The following DNAH5 variants were observed in gnomAD, a reference collection of about 807,000 sequenced individuals.
The protein encoded by DNAH5 is dynein axonemal heavy chain 5, also known as axonemal beta dynein heavy chain 5.
A neutral mutation model predicts 518.2 loss-of-function variants in DNAH5; 372 were observed. The observed-to-expected ratio is 0.72, with a 90% CI of 0.66 to 0.78. The LOEUF (loss-of-function observed/expected upper bound fraction) is 0.78. Ranked by LOEUF, DNAH5 falls within the 30% of genes least tolerant of loss-of-function variation. DNAH5 has a pLI of 0.00. For synonymous variants in DNAH5, 2,039 were observed against 2,025.9 expected (o/e 1.01, Z -0.17); for missense variants, 5,523 against 5,687.0 (o/e 0.97, Z 0.93).
intron 1 of DNAH5, among the ~76,000 whole-genome samples, chr5:13,941,330 C>T (rs1482112417): frequency 6.6e-6 from 1 of 152,102 alleles, no homozygotes; most frequent in African/African-American, 2.4e-5. Context: ...TGCAGTCCAG[C>T]CAGGGTAACA....
At chr5:13,919,034 G>A (rs754349623) in intron 7 of DNAH5, 142 bp downstream of exon 7, 46 of 1,031,896 alleles carry the variant, frequency 4.5e-5, no homozygotes, top group Non-Finnish European at 6.5e-5. Flanking sequence ...CCAAAGTGAT[G>A]TGAGGGAAGT....
At chr5:13,959,485 C>T (rs1368608082) in intron 1 of DNAH5, among the ~76,000 whole-genome samples, 1 of 152,344 alleles carries the variant, frequency 6.6e-6, no homozygotes, top group East Asian at 1.9e-4. Context: ...CCAGGCTTCA[C>T]ATCTTCATGC....
In DNAH5 at chr5:13,968,073, T is replaced by C. The variant is rs532905422; in HGVS notation, c.13-36829A>G. On this transcript the variant is annotated intron_variant, in intron 1 of 78. Coordinates refer to the DNAH5 transcript ENST00000681290. ...CTCCTAAGTATTTTATTTCATTTTTTGTTGTTGTTGCAGCTATTGTAAAAG... is the reference window on the plus strand; with the variant it reads ...CTCCTAAGTATTTTATTTCATTTTTCGTTGTTGTTGCAGCTATTGTAAAAG... 4.1e-3 allele frequency among the ~76,000 whole-genome samples: 624 copies of C among 152,276 alleles called. 3 individuals carry two copies. The highest frequency in any genetic ancestry group is 6.9e-3 in the Non-Finnish European group (467 of 68,002).
At chr5:13,865,234 C>G (rs1769065702) in intron 27 of DNAH5, among the ~76,000 whole-genome samples, 1 of 152,078 alleles carries the variant, frequency 6.6e-6, no homozygotes, top group Admixed American at 6.6e-5. Context: ...ACCTCGTGAT[C>G]TGCCCACCTC....
intron 32 of DNAH5, among the ~76,000 whole-genome samples, chr5:13,843,624 AAT>A (rs1765571034): frequency 6.6e-6 from 1 of 152,140 alleles, no homozygotes; most frequent in Admixed American, 6.5e-5. Context: ...CTAGGAAACT[AAT>A]ACACTCCCTC....
At position 13,830,609 on chromosome 5, in the gene DNAH5, G is replaced by T. The variant is rs143679999; in HGVS notation, c.6049C>A (p.Arg2017=). The change falls in exon 36 of 79, where the codon CGG becomes AGG. Residue 2017 remains arginine, a synonymous_variant. Transcript: ENST00000265104. The part of the protein sequence containing the change: ...SDQMDFRGLG[R]IFKGLAQSGS... The stretch of plus-strand genomic sequence containing the variant: ...ATATAACCCATACCCTTAAAAATCC[G>T]TCCAAGTCCTCGGAAATCCATCTGG... The T allele has an allele frequency of 1.2e-6, 2 of 1,613,942 alleles. No homozygotes were observed. Among genetic ancestry groups the T allele is most frequent in the Non-Finnish European group, 1.7e-6 (2 of 1,180,022 alleles).
intron 35 of DNAH5, among the ~76,000 whole-genome samples, chr5:13,834,467 G>A (rs1449685561): frequency 1.3e-5 from 2 of 152,124 alleles, no homozygotes; most frequent in Non-Finnish European, 2.9e-5. Flanking sequence ...CCATTAAGAT[G>A]CAATTTTGGA....
At position 13,871,472 on chromosome 5, in the gene DNAH5, G is replaced by C. The variant is rs71614063; in HGVS notation, c.3598+92C>G. ...TGAGGCCCATAAAGTCAATCTTTAA[G>C]ACAGGTAGAACTCTCTGGAATACAA... On this transcript the variant is annotated intron_variant, in intron 23 of 78. Coordinates refer to ENST00000265104, the MANE Select transcript of DNAH5 (RefSeq NM_001369.3). The C allele has an allele frequency of 2.7e-4, 306 of 1,150,418 alleles. 1 individual carries two copies. Among genetic ancestry groups the C allele is most frequent in the Admixed American group, 5.3e-4 (26 of 49,316 alleles). 71.3% of individuals were successfully genotyped at this position (1,150,418 alleles called of 1,614,324 possible).
Position 13,867,859 on chromosome 5 carries a change from A to T in DNAH5, c.3968T>A (p.Leu1323Gln), listed in dbSNP as rs2151913954. The T allele has an allele frequency of 6.2e-7, 1 of 1,614,158 alleles. No individual in the cohort carries two copies. The highest frequency in any genetic ancestry group is 1.1e-5 in the South Asian group (1 of 91,076). The change falls in exon 25 of 79, where the codon CTG becomes CAG. Residue 1323 changes from leucine (L) to glutamine (Q), a missense_variant. Physicochemically the swap from Leu to Gln is moderately radical, Grantham distance 113 (BLOSUM62 -2). Transcript: ENST00000265104. ...AGEVQNKLVS[L>Q]QPSFKKELIS... ...AAGCTCTTTCTTGAAACTGGGCTGC[A>T]GTGAGACTAATTTATTCTGGACTTC... is the stretch of plus-strand genomic sequence containing the variant.
intron 65 of DNAH5, among the ~76,000 whole-genome samples, chr5:13,748,341 G>A (rs1315545649): frequency 3.3e-5 from 5 of 152,184 alleles, no homozygotes; most frequent in Admixed American, 2.6e-4. Context: ...TTTTGGCTTA[G>A]GATTGTCTTG....
At chr5:13,786,490 C>T (rs919372701) in intron 51 of DNAH5, 139 bp from the exon 52 acceptor site, 1 of 882,594 alleles carries the variant, frequency 1.1e-6, no homozygotes, top group Non-Finnish European at 1.8e-6. Flanking sequence ...GTGTATTTTG[C>T]AAAAACAGAA....
Position 13,901,466 on chromosome 5 carries a change from T to G in DNAH5, c.1838A>C (p.Asp613Ala). Residue 613 changes from aspartate to alanine, a missense_variant, in exon 14 of 79, where the codon GAT (aspartate) becomes GCT (alanine). By Grantham distance (126) the Asp-to-Ala change is moderately radical (BLOSUM62 -2). Transcript: ENST00000265104. The stretch of plus-strand genomic sequence containing the variant: ...AGGCTGGTTTCGAGCCAGAGGAGGA[T>G]CGTATTTCTGCTTTGTATACAGCTT... ...ISKLYTKQKY[D>A]PPLARNQPPI... 2 of 1,613,984 alleles carry G rather than the reference T, an allele frequency of 1.2e-6. No homozygotes were observed. The highest frequency in any genetic ancestry group is 1.7e-6 in the Non-Finnish European group (2 of 1,180,002).
Position 13,788,738 on chromosome 5 carries a change from C to A in DNAH5, c.8625G>T (p.Leu2875Phe). The A allele has an allele frequency of 6.2e-7, 1 of 1,614,074 alleles. No homozygotes were observed. The highest frequency in any genetic ancestry group is 8.5e-7 in the Non-Finnish European group (1 of 1,179,970). Residue 2875 changes from leucine (L) to phenylalanine (F), a missense_variant, in exon 51 of 79, where the codon TTG becomes TTT. Transcript: ENST00000265104. ...CGIDTYFVDF[L>F]RDAPEAAGET... ...TACCTGCAGCTTCAGGTGCATCTCT[C>A]AAGAAATCCACAAAATATGTGTCAA...
At chr5:13,693,323 T>G (rs993167551) in intron 78 of DNAH5, among the ~76,000 whole-genome samples, 1 of 152,244 alleles carries the variant, frequency 6.6e-6, no homozygotes, top group Non-Finnish European at 1.5e-5. Flanking sequence ...AAAACTGACA[T>G]GCTCAAAAAT....
At chr5:13,814,530 T>A (rs1378677143) in intron 43 of DNAH5, 75 bp downstream of exon 43, 2 of 1,485,910 alleles carry the variant, frequency 1.3e-6, no homozygotes, top group Non-Finnish European at 1.9e-6. Context: ...TGCAGAAAAA[T>A]TGGCACACAC....
rs747063945 is a variant in DNAH5 at position 13,700,733 on chromosome 5, C to A, written c.13630G>T (p.Gly4544Cys). The change falls in exon 78 of 79, where the codon GGC becomes TGC. Residue 4544 changes from glycine to cysteine, a missense_variant. This residue lies in a region of DNAH5 where 387 missense variants were observed against 430.0 expected (regional missense o/e 0.90). Coordinates refer to ENST00000265104, the MANE Select transcript of DNAH5 (RefSeq NM_001369.3). ...YVYGLYLEGA[G>C]WDKRNMKLIE... is the part of the protein sequence containing the mutation. ...AGTTTCATGTTCCTCTTGTCCCAGC[C>A]AGCACCTTCAAGATATAAGCCATAG... is the stretch of plus-strand genomic sequence containing the variant. The A allele has an allele frequency of 2.5e-6, 4 of 1,614,002 alleles. No individual in the cohort carries two copies. Among genetic ancestry groups the A allele is most frequent in the Admixed American group, 1.7e-5 (1 of 59,994 alleles).
In DNAH5 at chr5:13,820,420, T is replaced by A. The variant is rs1762065000; in HGVS notation, c.6767A>T (p.His2256Leu). The A allele has an allele frequency of 6.2e-7, 1 of 1,613,906 alleles. No individual in the cohort carries two copies. Among genetic ancestry groups the A allele is most frequent in the African/African-American group, 1.3e-5 (1 of 74,924 alleles). The change falls in exon 41 of 79, where the codon CAT becomes CTT. Residue 2256 changes from histidine to leucine, a missense_variant. Physicochemically the swap from His to Leu is moderately conservative, Grantham distance 99. Coordinates refer to ENST00000265104, the MANE Select transcript of DNAH5 (RefSeq NM_001369.3). The part of the protein sequence containing the change: ...IQLFETQRVR[H>L]GMMTLGPSGA... The stretch of plus-strand genomic sequence containing the variant: ...ACTGGGCCCCAGAGTCATCATCCCA[T>A]GTCGCACTCTCTGCGTTTCGAATAG...
At chr5:13,970,851 G>T (rs1409958209) in intron 1 of DNAH5, among the ~76,000 whole-genome samples, 2 of 152,120 alleles carry the variant, frequency 1.3e-5, no homozygotes, top group African/African-American at 4.8e-5. Flanking sequence ...GACCAGGGAA[G>T]TTTACCTCAA....
intron 66 of DNAH5, 25 bp downstream of exon 66, chr5:13,737,227 A>T (rs1434527217): frequency 3.7e-6 from 6 of 1,613,410 alleles, no homozygotes; most frequent in Non-Finnish European, 5.1e-6. Context: ...TTCCTGTGAC[A>T]TTTGTCTTTC....
Sources: gnomAD v4.1 joint callset for allele counts (sites outside exome capture counted in the v4.1 genomes callset) on GRCh38, gnomAD v4.1.1 for gene constraint, gnomAD v4.1.1 regional missense constraint, MANE v1.5 for transcripts, NCBI Gene and HGNC (gene_info 2026-07-23, HGNC 2026-07-21) for gene names.